ARSD: variants seen among roughly 807,000 people sequenced by gnomAD.
ARSD encodes arylsulfatase D, also known as testis tissue sperm-binding protein Li 39a.
In ARSD, 21 loss-of-function variants were observed where a neutral mutation model predicts 32.6. The observed-to-expected ratio is 0.64, with a 90% CI of 0.46 to 0.93. The LOEUF is 0.93. Among genes scored for constraint, ARSD ranks in the 40% least tolerant of loss-of-function variants. The probability of loss-of-function intolerance (pLI) is 0.00; values close to 1 mark genes in which losing one functional copy is unlikely to be tolerated. For missense variants in ARSD, 454 were observed against 520.9 expected, an observed-to-expected ratio of 0.87 and a Z score of 1.25; for synonymous variants, 224 against 237.4, an observed-to-expected ratio of 0.94 and a Z score of 0.52.
chrX:2,915,000 G>A (rs1042139632), intron 6 of ARSD, among the ~76,000 whole-genome samples: 11 of 111,215 alleles, frequency 9.9e-5, no homozygotes, highest in African/African-American at 3.6e-4. Flanking sequence ...TCAGCCTCCC[G>A]AGTACCTGGG....
At chrX:2,909,702 AAG>A in intron 8 of ARSD, 113 bp downstream of exon 8, 1 of 643,116 alleles carries the variant, frequency 1.6e-6, no homozygotes, top group African/African-American at 2.4e-5. Flanking sequence ...AAAAAAAAAA[AAG>A]CTTATTTATG....
At chrX:2,913,902 G>T in intron 6 of ARSD, 1 of 312,924 alleles carries the variant, frequency 3.2e-6, no homozygotes, top group Non-Finnish European at 4.5e-6. Flanking sequence ...CTTCTCACGA[G>T]ATCTGGTTGT....
chrX:2,913,704 C>A (rs1215909416), intron 6 of ARSD: 37 of 970,143 alleles, frequency 3.8e-5, no homozygotes, highest in Non-Finnish European at 4.3e-5. Context: ...TCTAATGAGG[C>A]TGTTAAGTCA....
intron 9 of ARSD, chrX:2,908,110 C>T (rs181484691): frequency 3.6e-4 from 92 of 258,631 alleles, no homozygotes; most frequent in African/African-American, 2.6e-3. Flanking sequence ...ATCTATCTAC[C>T]ATTATCTATT....
chrX:2,924,454 G>A lies in ARSD; in HGVS notation c.194+1162C>T, dbSNP rs189468153. ...AAAGCAGATGCAGCCTGCATTCTGG[G>A]GCGGTCCTTCTAGGAGAAAAGCCCA... On this transcript the variant is annotated intron_variant, in intron 2 of 9. Coordinates refer to ENST00000381154, the MANE Select transcript of ARSD (RefSeq NM_001669.4). Among the ~76,000 whole-genome samples, 8 of 113,642 alleles carry A rather than the reference G, an allele frequency of 7.0e-5. 1 individual carries two copies. The Admixed American group carries it at 7.4e-4, about 11-fold the overall frequency.
chrX:2,920,143 A>G (rs1027949183), intron 4 of ARSD, among the ~76,000 whole-genome samples: 28 of 111,111 alleles, frequency 2.5e-4, no homozygotes, highest in African/African-American at 9.2e-4. Flanking sequence ...GTGAGTGGCC[A>G]TGTAGAGAAG....
intron 5 of ARSD, among the ~76,000 whole-genome samples, chrX:2,916,164 A>T (rs772677479): frequency 1.0e-5 from 1 of 97,329 alleles, no homozygotes; most frequent in South Asian, 4.7e-4. Flanking sequence ...AATATATTGT[A>T]TATGTCCACA....
chrX:2,915,314 C>T (rs374805098), intron 6 of ARSD, among the ~76,000 whole-genome samples: 2 of 111,203 alleles, frequency 1.8e-5, no homozygotes, highest in Non-Finnish European at 3.8e-5. Context: ...ACCACCACAC[C>T]GGGTTAGTTT....
chrX:2,920,035 C>T (rs1332143200), intron 4 of ARSD, among the ~76,000 whole-genome samples: 1 of 111,420 alleles, frequency 9.0e-6, no homozygotes, highest in Non-Finnish European at 1.9e-5. Context: ...CTTGGAGACC[C>T]CTGACATGCT....
At chrX:2,914,456 T>A (rs1309547688) in intron 6 of ARSD, 4 of 675,796 alleles carry the variant, frequency 5.9e-6, no homozygotes, top group Non-Finnish European at 7.5e-6. Context: ...CCCAGGCTGG[T>A]CTTGAACTCC....
chrX:2,927,426 A>AT (rs1214259397), intron 1 of ARSD, among the ~76,000 whole-genome samples: 1 of 109,137 alleles, frequency 9.2e-6, no homozygotes, highest in Non-Finnish European at 1.9e-5. Flanking sequence ...CGCCCGGCTA[A>AT]TTTTTTTGTA....
intron 3 of ARSD, among the ~76,000 whole-genome samples, chrX:2,921,112 G>C (rs1369450754): frequency 9.0e-6 from 1 of 110,906 alleles, no homozygotes; most frequent in Non-Finnish European, 1.9e-5. Flanking sequence ...GAATCATCTA[G>C]CCCCAAATGT....
intron 8 of ARSD, 49 bp downstream of exon 8, chrX:2,909,768 A>AAAAACAAT: frequency 6.3e-6 from 7 of 1,115,336 alleles, no homozygotes; most frequent in Middle Eastern, 2.5e-4. Flanking sequence ...AAAAAAAACT[A>AAAAACAAT]AAAACAATTA....
At chrX:2,917,564 C>G (rs188369781) in intron 5 of ARSD, among the ~76,000 whole-genome samples, 12 of 110,707 alleles carry the variant, frequency 1.1e-4, no homozygotes, top group African/African-American at 3.9e-4. Flanking sequence ...GCCTCGACAT[C>G]CGAGGCTGAA....
chrX:2,929,073 G>A (rs1387285840), intron 1 of ARSD, among the ~76,000 whole-genome samples, 159 bp downstream of exon 1: 2 of 112,239 alleles, frequency 1.8e-5, no homozygotes, highest in Non-Finnish European at 3.8e-5. Context: ...CACAGAACGC[G>A]CCTCCAGCTA....
chrX:2,907,613 A>T lies in ARSD; in HGVS notation c.1440T>A (p.Val480=). ...HQKDSGSVWK[V]HYTTPQFHPE... ...GGTGGAACTGCGGGGTCGTGTAATG[A>T]ACCTTCCAGACGCTTCCACCTGGAT... is the stretch of plus-strand genomic sequence containing the variant. Residue 480 remains valine, a synonymous_variant, in exon 10 of 10, where the codon GTT becomes GTA. Transcript: ENST00000381154. The T allele has an allele frequency of 9.0e-7, 1 of 1,109,593 alleles. No homozygotes were observed. Among genetic ancestry groups the T allele is most frequent in the South Asian group, 2.3e-5 (1 of 43,633 alleles). The allele number at this position is 1,109,593 out of a possible 1,213,427, so 91.4% of individuals were successfully genotyped here. A position where few individuals can be genotyped will look rare whatever the true frequency, so the allele number is the denominator to read the frequency against.
chrX:2,929,139 C>T, intron 1 of ARSD, 93 bp downstream of exon 1: 1 of 876,505 alleles, frequency 1.1e-6, no homozygotes, highest in Non-Finnish European at 1.5e-6. Context: ...GGGGCCCAGG[C>T]TCGCCCGGGG....
intron 4 of ARSD, chrX:2,920,241 T>C (rs2089015802): frequency 4.5e-6 from 1 of 223,535 alleles, no homozygotes; most frequent in Admixed American, 6.8e-5. Flanking sequence ...TCCTAGGATT[T>C]TGAATTTAAG....
In ARSD at chrX:2,917,806, T is replaced by C. The variant is rs2088978631; in HGVS notation, c.861A>G (p.Glu287=). 4.2e-6 allele frequency: 5 copies of C among 1,204,649 alleles called. No individual in the cohort carries two copies. Among genetic ancestry groups the C allele is most frequent in the Non-Finnish European group, 5.6e-6 (5 of 890,855 alleles). Residue 287 remains glutamate (E), a splice_region_variant and synonymous_variant, in exon 5 of 10, where the codon GAA becomes GAG. Transcript: ENST00000381154. ...LMLKEAVSYI[E]RHKHGPFLLF... ...TTTAAGATGCGATGGTTGCTTACCT[T>C]TCAATATAGGAAACAGCTTCCTTTA... is the stretch of plus-strand genomic sequence containing the variant.
Sources: allele counts gnomAD v4.1 joint callset (sites outside exome capture counted in the v4.1 genomes callset), GRCh38; gene constraint gnomAD v4.1.1; transcripts MANE v1.5; gene names NCBI Gene and HGNC (gene_info 2026-07-23, HGNC 2026-07-21).